EXOC6B: variants seen among roughly 807,000 people sequenced by gnomAD.
EXOC6B encodes exocyst complex component 6B.
A neutral mutation model predicts 113.5 loss-of-function variants in EXOC6B; 54 were observed. That is an observed-to-expected ratio of 0.48 (90% CI 0.38 to 0.60). The LOEUF (loss-of-function observed/expected upper bound fraction) is 0.60, where lower values mean the gene tolerates loss of function less well. Ranked by LOEUF, EXOC6B falls within the 20% of genes least tolerant of loss-of-function variation. The probability of loss-of-function intolerance (pLI) is 0.00; values close to 1 mark genes in which losing one functional copy is unlikely to be tolerated. For missense variants in EXOC6B, 797 were observed against 977.5 expected (o/e 0.82, Z 2.46); for synonymous variants, 357 against 339.0 (o/e 1.05, Z -0.58).
chr2:72,269,295 G>C (rs1167223621), intron 20 of EXOC6B, among the ~76,000 whole-genome samples: 1 of 152,106 alleles, frequency 6.6e-6, no homozygotes, highest in Non-Finnish European at 1.5e-5. Flanking sequence ...TCTTAAAGGG[G>C]CCAGTCACTT....
Position 72,492,426 on chromosome 2 carries a change from T to G in EXOC6B, c.1557A>C (p.Ser519=), listed in dbSNP as rs116469179. The G allele has an allele frequency of 1.2e-6, 2 of 1,610,268 alleles. No individual in the cohort carries two copies. Among genetic ancestry groups the G allele is most frequent in the Non-Finnish European group, 1.7e-6 (2 of 1,176,892 alleles). ...TCCGAATCATGTCATCAACTTCAGT[T>G]GAGCTGAAAAAGAAGCATTAAGAGT... ...LKFSEDLHLS[S]TEVDDMIRKS... The change falls in exon 16 of 22, where the codon TCA becomes TCC. Residue 519 remains serine, a synonymous_variant. Coordinates refer to ENST00000272427, the MANE Select transcript of EXOC6B (RefSeq NM_015189.3).
Position 72,184,074 on chromosome 2 carries a change from C to T in EXOC6B, c.2309+1G>A. 1 of 1,533,596 alleles carries T rather than the reference C, an allele frequency of 6.5e-7. No individual in the cohort carries two copies. Among genetic ancestry groups the T allele is most frequent in the Non-Finnish European group, 8.9e-7 (1 of 1,127,516 alleles). The allele number at this position is 1,533,596 out of a possible 1,614,324, so 95.0% of individuals were successfully genotyped here. A position where few individuals can be genotyped will look rare whatever the true frequency, so the allele number is the denominator to read the frequency against. ...CACAGACCATTGGACAAGGTACTCA[C>T]TTCTCAAGCAGGGTCAGAGCAGTCA... On this transcript the variant is annotated splice_donor_variant, in intron 21 of 21. Coordinates refer to ENST00000272427, the MANE Select transcript of EXOC6B (RefSeq NM_015189.3). LOFTEE classifies it high-confidence loss of function.
At chr2:72,479,877 C>T (rs1006169720) in intron 17 of EXOC6B, among the ~76,000 whole-genome samples, 2 of 152,006 alleles carry the variant, frequency 1.3e-5, no homozygotes, top group Non-Finnish European at 2.9e-5. Flanking sequence ...AAAGCAGGGA[C>T]AGAAATTCCT....
chr2:72,513,799 G>C (rs532905440), intron 10 of EXOC6B, among the ~76,000 whole-genome samples: 1 of 152,084 alleles, frequency 6.6e-6, no homozygotes, highest in East Asian at 1.9e-4. Context: ...GAACAATCTT[G>C]TGGCTTTTTG....
chr2:72,718,752 A>T (rs1335016043), intron 5 of EXOC6B, among the ~76,000 whole-genome samples: 2 of 152,208 alleles, frequency 1.3e-5, no homozygotes, highest in Admixed American at 6.5e-5. Flanking sequence ...AAGCTGAGGC[A>T]TGAGAATCAT....
intron 5 of EXOC6B, among the ~76,000 whole-genome samples, chr2:72,726,345 A>T (rs1680300433): frequency 6.6e-6 from 1 of 152,200 alleles, no homozygotes; most frequent in Admixed American, 6.5e-5. Context: ...CTTAAAAATG[A>T]TGAATGTTAT....
At chr2:72,223,786 A>G (rs1170944572) in intron 20 of EXOC6B, among the ~76,000 whole-genome samples, 3 of 152,304 alleles carry the variant, frequency 2.0e-5, no homozygotes, top group Non-Finnish European at 2.9e-5. Flanking sequence ...GGACTGGGGC[A>G]TAAGTTTTTG....
intron 7 of EXOC6B, among the ~76,000 whole-genome samples, chr2:72,561,310 A>AT (rs1703872551): frequency 6.6e-6 from 1 of 152,176 alleles, no homozygotes; most frequent in South Asian, 2.1e-4. Flanking sequence ...TGAAAAAAAT[A>AT]TTTAAAAGTT....
At chr2:72,773,457 A>T (rs569013014) in intron 1 of EXOC6B, among the ~76,000 whole-genome samples, 16 of 151,982 alleles carry the variant, frequency 1.1e-4, no homozygotes, top group African/African-American at 3.9e-4. Flanking sequence ...CCAAAAAAAA[A>T]AAAAAAGGCA....
chr2:72,349,330 T>A (rs553031559), intron 19 of EXOC6B, among the ~76,000 whole-genome samples: 3 of 152,282 alleles, frequency 2.0e-5, no homozygotes, highest in East Asian at 3.9e-4. Flanking sequence ...GAGCTCCTTT[T>A]GGCAATATCT....
chr2:72,765,732 C>CACTGG (rs1683020915), intron 1 of EXOC6B, among the ~76,000 whole-genome samples: 1 of 152,016 alleles, frequency 6.6e-6, no homozygotes, highest in Non-Finnish European at 1.5e-5. Context: ...TCTAAGGGAA[C>CACTGG]AGAACACTGG....
intron 1 of EXOC6B, among the ~76,000 whole-genome samples, chr2:72,815,885 G>A (rs1337627391): frequency 6.6e-6 from 1 of 152,184 alleles, no homozygotes; most frequent in East Asian, 1.9e-4. Flanking sequence ...TAGGCCTAGC[G>A]CAGTGGCTCA....
Position 72,699,554 on chromosome 2 carries a change from G to A in EXOC6B, c.669+18549C>T, listed in dbSNP as rs138305360. ...CACAGACTTCTTCATTAGGGAAGCT[G>A]GGAGAGCCATATGTTTAGTAGACTA... On this transcript the variant is annotated intron_variant, in intron 6 of 21. Coordinates refer to ENST00000272427, the MANE Select transcript of EXOC6B (RefSeq NM_015189.3). 7.6e-4 allele frequency among the ~76,000 whole-genome samples: 115 copies of A among 152,110 alleles called. 1 individual carries two copies. Among genetic ancestry groups the A allele is most frequent in the African/African-American group, 2.5e-3 (102 of 41,504 alleles).
At chr2:72,249,713 T>C (rs181577148) in intron 20 of EXOC6B, among the ~76,000 whole-genome samples, 18 of 152,322 alleles carry the variant, frequency 1.2e-4, no homozygotes, top group African/African-American at 4.3e-4. Context: ...CACTACCCAA[T>C]AATTTATTTG....
At chr2:72,189,712 C>T (rs1034137861) in intron 20 of EXOC6B, among the ~76,000 whole-genome samples, 10 of 151,858 alleles carry the variant, frequency 6.6e-5, no homozygotes, top group African/African-American at 9.7e-5. Context: ...GGCACAAACT[C>T]GCCACCGTGC....
At chr2:72,635,507 C>T (rs1672752691) in intron 6 of EXOC6B, among the ~76,000 whole-genome samples, 1 of 152,012 alleles carries the variant, frequency 6.6e-6, no homozygotes, top group Admixed American at 6.6e-5. Context: ...ACACCTTCCC[C>T]CAATATTAAA....
At chr2:72,671,533 A>T (rs997994568) in intron 6 of EXOC6B, among the ~76,000 whole-genome samples, 1 of 150,470 alleles carries the variant, frequency 6.6e-6, no homozygotes, top group Non-Finnish European at 1.5e-5. Context: ...CGTCTCTACT[A>T]AAAAAAAATA....
chr2:72,704,337 G>T (rs926056931), intron 6 of EXOC6B, among the ~76,000 whole-genome samples: 6 of 150,920 alleles, frequency 4.0e-5, no homozygotes, highest in African/African-American at 1.5e-4. Flanking sequence ...AGTGTGTAGA[G>T]GGAAATTTAT....
chr2:72,259,757 G>C (rs1005779542), intron 20 of EXOC6B, among the ~76,000 whole-genome samples: 2 of 152,110 alleles, frequency 1.3e-5, no homozygotes, highest in Admixed American at 6.6e-5. Context: ...TGCTTTGAAA[G>C]TGTAGCAGTG....
Sources: gnomAD v4.1 joint callset for allele counts (sites outside exome capture counted in the v4.1 genomes callset) on GRCh38, gnomAD v4.1.1 for gene constraint, MANE v1.5 for transcripts, NCBI Gene and HGNC (gene_info 2026-07-23, HGNC 2026-07-21) for gene names.